Variants in CACNA1E observed in about 807,000 individuals in gnomAD.
CACNA1E encodes the protein voltage-dependent R-type calcium channel subunit alpha-1E.
CACNA1E carries 40 observed loss-of-function variants against 259.2 expected under a neutral mutation model. The ratio of observed to expected loss-of-function variants is 0.15; its 90% CI spans 0.12 to 0.20. CACNA1E has a LOEUF of 0.20. Among genes scored for constraint, CACNA1E ranks in the 10% least tolerant of loss-of-function variants. CACNA1E has a pLI of 1.00. For synonymous variants in CACNA1E, 1,104 were observed against 1,138.5 expected (o/e 0.97, Z 0.61); for missense variants, 1,874 against 3,040.1 (o/e 0.62, Z 9.02).
At chr1:181,582,320 G>T (rs1234916553) in intron 6 of CACNA1E, among the ~76,000 whole-genome samples, 1 of 152,220 alleles carries the variant, frequency 6.6e-6, no homozygotes, top group African/African-American at 2.4e-5. Context: ...GGAGGGGAGG[G>T]AGGCAAGGTT....
intron 6 of CACNA1E, among the ~76,000 whole-genome samples, chr1:181,643,257 A>G (rs192791388): frequency 1.3e-5 from 2 of 152,320 alleles, no homozygotes; most frequent in East Asian, 3.9e-4. Context: ...AGGATCCGGC[A>G]TCTCCCTGTT....
At chr1:181,747,920 G>A (rs1657241483) in intron 25 of CACNA1E, among the ~76,000 whole-genome samples, 1 of 152,170 alleles carries the variant, frequency 6.6e-6, no homozygotes, top group South Asian at 2.1e-4. Context: ...GGGGACTAAA[G>A]TGTTGAGGCG....
rs1651121815 is a variant in CACNA1E, at chr1:181,577,839, C to T, written c.586C>T (p.Arg196Trp). The T allele has an allele frequency of 6.2e-7, 1 of 1,611,016 alleles. No individual in the cohort carries two copies. Among genetic ancestry groups the T allele is most frequent in the Non-Finnish European group, 8.5e-7 (1 of 1,178,482 alleles). Residue 196 changes from arginine (R) to tryptophan (W), a missense_variant, in exon 4 of 48, where the codon CGG (arginine) becomes TGG (tryptophan). Arg to Trp is a moderately radical substitution (Grantham distance 101, BLOSUM62 -3). Around this residue, in one of 14 missense-constraint regions of CACNA1E, gnomAD observed 55 missense variants for 156.5 expected, o/e 0.35. Transcript: ENST00000367573. ...GACCCTCCGGGCTGTGCGTGTCCTG[C>T]GGCCTTTGAAGCTCGTGTCAGGGAT... ...LRTLRAVRVL[R>W]PLKLVSGIPS...
intron 2 of CACNA1E, among the ~76,000 whole-genome samples, chr1:181,439,296 C>A (rs1660290479): frequency 1.3e-5 from 2 of 151,324 alleles, no homozygotes; most frequent in Admixed American, 6.6e-5. Flanking sequence ...GATATTTTCC[C>A]TGTAAATTTT....
intron 1 of CACNA1E, among the ~76,000 whole-genome samples, chr1:181,326,198 T>G (rs536878395): frequency 6.6e-6 from 1 of 152,334 alleles, no homozygotes; most frequent in East Asian, 1.9e-4. Context: ...ATTGTCATTC[T>G]TGTTTTATAG....
intron 39 of CACNA1E, 71 bp downstream of exon 39, chr1:181,781,594 A>G: frequency 1.2e-6 from 1 of 818,250 alleles, no homozygotes; most frequent in Non-Finnish European, 2.1e-6. Context: ...GGGAGGCCAG[A>G]ACATGGGGAG....
chr1:181,553,157 C>T (rs12034816), intron 3 of CACNA1E, among the ~76,000 whole-genome samples: 19,829 of 152,012 alleles, frequency 0.13, 3,569 homozygotes, highest in African/African-American at 0.41. Context: ...TCCATTTGTT[C>T]GTGTACTTTC....
Position 181,758,754 on chromosome 1 carries a change from G to C in CACNA1E, c.4495-4G>C. On this transcript the variant is annotated splice_region_variant and splice_polypyrimidine_tract_variant and intron_variant, in intron 31 of 47. Transcript: ENST00000367573. The surrounding 1 kb of genome is among the most constrained non-coding windows in gnomAD (Gnocchi z 4.2). ...CTTTCTCTCTTCTTTTTTCTTCCTG[G>C]CAGTATTATTCTGCTCCCTGTACCT... 6.8e-7 allele frequency: 1 copy of C among 1,473,844 alleles called. No homozygotes were observed. The highest frequency in any genetic ancestry group is 9.4e-7 in the Non-Finnish European group (1 of 1,059,068). 91.3% of individuals were successfully genotyped at this position (1,473,844 alleles called of 1,614,324 possible).
intron 6 of CACNA1E, among the ~76,000 whole-genome samples, chr1:181,616,526 C>G (rs555368759): frequency 7.8e-4 from 118 of 152,192 alleles, no homozygotes; most frequent in African/African-American, 2.8e-3. Flanking sequence ...TCCTGGCCAA[C>G]ATGGTGAAAC....
At chr1:181,321,750 G>A (rs966821336) in intron 1 of CACNA1E, among the ~76,000 whole-genome samples, 2 of 152,192 alleles carry the variant, frequency 1.3e-5, no homozygotes, top group East Asian at 3.8e-4. Context: ...GAGGCAGGAC[G>A]GAGATTGGGT....
At chr1:181,391,877 C>T (rs893876011) in intron 1 of CACNA1E, among the ~76,000 whole-genome samples, 6 of 151,976 alleles carry the variant, frequency 3.9e-5, no homozygotes, top group African/African-American at 1.2e-4. Context: ...TCTGCCACTC[C>T]AGATCTTCTC....
At chr1:181,486,049 G>A (rs1351679979) in intron 1 of CACNA1E, among the ~76,000 whole-genome samples, 1 of 152,268 alleles carries the variant, frequency 6.6e-6, no homozygotes, top group Non-Finnish European at 1.5e-5. Flanking sequence ...ACACCACGTG[G>A]TCACCTTTTT....
At chr1:181,373,536 T>TC (rs1287006079) in intron 1 of CACNA1E, among the ~76,000 whole-genome samples, 4 of 136,660 alleles carry the variant, frequency 2.9e-5, no homozygotes, top group Non-Finnish European at 6.2e-5. Flanking sequence ...TTCTTTTCTT[T>TC]CTTTTTTTTT....
chr1:181,362,521 G>A (rs569109432), intron 1 of CACNA1E, among the ~76,000 whole-genome samples: 1 of 152,218 alleles, frequency 6.6e-6, no homozygotes, highest in Non-Finnish European at 1.5e-5. Context: ...GAATAGAGAT[G>A]ATGATACTGT....
At chr1:181,390,302 C>CTTAT (rs58239460) in intron 1 of CACNA1E, among the ~76,000 whole-genome samples, 11,904 of 137,568 alleles carry the variant, frequency 0.087, 534 homozygotes, top group East Asian at 0.18. Flanking sequence ...GAGGAGACAC[C>CTTAT]TTATTTATTT....
intron 44 of CACNA1E, among the ~76,000 whole-genome samples, chr1:181,792,424 T>C (rs771973562): frequency 5.0e-4 from 76 of 152,230 alleles, no homozygotes; most frequent in Non-Finnish European, 1.0e-3. Context: ...CATGATTGTG[T>C]GTGTGCATAT....
At chr1:181,699,463 GAGAC>G (rs1313436449) in intron 7 of CACNA1E, among the ~76,000 whole-genome samples, 2 of 152,190 alleles carry the variant, frequency 1.3e-5, no homozygotes, top group African/African-American at 4.8e-5. Context: ...GTCGGGAAGA[GAGAC>G]AGAGCAGATC....
At chr1:181,658,072 T>C (rs958302395) in intron 7 of CACNA1E, among the ~76,000 whole-genome samples, 20 of 152,240 alleles carry the variant, frequency 1.3e-4, no homozygotes, top group Admixed American at 8.5e-4. Context: ...TAAGTGTGTA[T>C]ATATTTTAGT....
At chr1:181,789,874 G>GT (rs1298994702) in intron 43 of CACNA1E, among the ~76,000 whole-genome samples, 11 of 152,152 alleles carry the variant, frequency 7.2e-5, no homozygotes, top group Admixed American at 7.2e-4. Flanking sequence ...CAACCAAGAG[G>GT]TTTTCAACTC....
Sources: allele counts gnomAD v4.1 joint callset (sites outside exome capture counted in the v4.1 genomes callset), GRCh38; gene constraint gnomAD v4.1.1; regional missense constraint gnomAD v4.1.1; non-coding constraint Gnocchi (gnomAD v3.1); transcripts MANE v1.5; gene names NCBI Gene and HGNC (gene_info 2026-07-23, HGNC 2026-07-21).